NSMCE2: variants seen among roughly 807,000 people sequenced by gnomAD.
NSMCE2 encodes the protein E3 SUMO-protein ligase NSE2.
NSMCE2 carries 24 observed loss-of-function variants against 23.8 expected under a neutral mutation model. The observed-to-expected ratio is 1.01, with a 90% CI of 0.73 to 1.42. NSMCE2 has a LOEUF of 1.42. Among genes scored for constraint, NSMCE2 ranks in the 40% most tolerant of loss-of-function variants. The pLI is 0.00. For synonymous variants in NSMCE2, 92 were observed against 94.1 expected, an observed-to-expected ratio of 0.98 and a Z score of 0.13; for missense variants, 284 against 296.5, an observed-to-expected ratio of 0.96 and a Z score of 0.31.
At chr8:125,121,733 T>TG (rs1819271712) in intron 3 of NSMCE2, among the ~76,000 whole-genome samples, 3 of 152,200 alleles carry the variant, frequency 2.0e-5, no homozygotes, top group Admixed American at 2.0e-4. Flanking sequence ...ACCTGGCATG[T>TG]TATAAATGCC....
intron 5 of NSMCE2, among the ~76,000 whole-genome samples, chr8:125,339,261 A>G (rs1830159835): frequency 1.3e-5 from 2 of 151,966 alleles, no homozygotes; most frequent in Non-Finnish European, 1.5e-5. Context: ...ACTGCTTGGG[A>G]CGGTCCTTTT....
At chr8:125,302,563 G>A (rs1828607567) in intron 5 of NSMCE2, among the ~76,000 whole-genome samples, 1 of 152,192 alleles carries the variant, frequency 6.6e-6, no homozygotes, top group South Asian at 2.1e-4. Context: ...AACTACTGCT[G>A]ATTATTGAGC....
intron 4 of NSMCE2, among the ~76,000 whole-genome samples, chr8:125,160,219 C>G (rs982096460): frequency 2.6e-5 from 4 of 152,114 alleles, no homozygotes; most frequent in Non-Finnish European, 5.9e-5. Context: ...CACAGAGTTT[C>G]ATTAAGGATG....
At chr8:125,179,195 G>T (rs1307875630) in intron 4 of NSMCE2, among the ~76,000 whole-genome samples, 1 of 152,058 alleles carries the variant, frequency 6.6e-6, no homozygotes, top group South Asian at 2.1e-4. Flanking sequence ...ATTGGGAAAA[G>T]GATGGACCTA....
intron 5 of NSMCE2, among the ~76,000 whole-genome samples, chr8:125,202,077 A>G (rs1823907963): frequency 6.6e-6 from 1 of 152,254 alleles, no homozygotes. Flanking sequence ...GGAAAAGCAC[A>G]GTATTTTGGC....
intron 5 of NSMCE2, among the ~76,000 whole-genome samples, chr8:125,245,236 T>G (rs749639983): frequency 7.9e-5 from 12 of 152,116 alleles, no homozygotes; most frequent in Non-Finnish European, 1.6e-4. Context: ...TGAGCAGATA[T>G]TGCACCACTG....
At chr8:125,192,620 A>G (rs757269562) in intron 5 of NSMCE2, among the ~76,000 whole-genome samples, 7 of 152,220 alleles carry the variant, frequency 4.6e-5, no homozygotes, top group African/African-American at 9.6e-5. Flanking sequence ...CAGTCATACA[A>G]TTTTACACAT....
At chr8:125,147,596 G>A (rs930796873) in intron 3 of NSMCE2, among the ~76,000 whole-genome samples, 14 of 152,122 alleles carry the variant, frequency 9.2e-5, no homozygotes, top group Non-Finnish European at 1.9e-4. Flanking sequence ...GCCCTTGATG[G>A]ATATGTAGGA....
intron 5 of NSMCE2, among the ~76,000 whole-genome samples, chr8:125,257,019 C>T (rs539656349): frequency 1.4e-5 from 2 of 147,302 alleles, no homozygotes; most frequent in East Asian, 2.0e-4. Flanking sequence ...TAAAGGAGTC[C>T]GGGCCTGTAA....
At chr8:125,232,707 C>T (rs1481375911) in intron 5 of NSMCE2, among the ~76,000 whole-genome samples, 1 of 152,180 alleles carries the variant, frequency 6.6e-6, no homozygotes, top group African/African-American at 2.4e-5. Flanking sequence ...TTCATTTCTA[C>T]ACTCTCACCT....
intron 5 of NSMCE2, among the ~76,000 whole-genome samples, chr8:125,300,348 A>G (rs970824953): frequency 6.6e-6 from 1 of 151,676 alleles, no homozygotes; most frequent in Non-Finnish European, 1.5e-5. Context: ...GTTTTAGTAG[A>G]GACAGGGTTT....
intron 5 of NSMCE2, among the ~76,000 whole-genome samples, chr8:125,261,095 T>C (rs1487878734): frequency 5.3e-5 from 8 of 152,240 alleles, no homozygotes; most frequent in Admixed American, 2.6e-4. Context: ...AGAAAATTAC[T>C]GTTTTGCGAA....
intron 5 of NSMCE2, among the ~76,000 whole-genome samples, chr8:125,307,321 G>A (rs1828804953): frequency 6.6e-6 from 1 of 152,352 alleles, no homozygotes; most frequent in African/African-American, 2.4e-5. Flanking sequence ...GGTGTATGGC[G>A]AGATGCCTAG....
chr8:125,332,273 T>C (rs897622492), intron 5 of NSMCE2, among the ~76,000 whole-genome samples: 1 of 152,262 alleles, frequency 6.6e-6, no homozygotes, highest in Non-Finnish European at 1.5e-5. Flanking sequence ...TCATAGATTC[T>C]TAGAAAATTG....
intron 5 of NSMCE2, among the ~76,000 whole-genome samples, chr8:125,234,676 C>T (rs2130957061): frequency 6.6e-6 from 1 of 152,264 alleles, no homozygotes; most frequent in South Asian, 2.1e-4. Context: ...TTTTCTTTCC[C>T]ATCAAACCAG....
chr8:125,329,783 G>C (rs1044062138), intron 5 of NSMCE2, among the ~76,000 whole-genome samples: 1 of 152,144 alleles, frequency 6.6e-6, no homozygotes, highest in African/African-American at 2.4e-5. Context: ...GATAATATTT[G>C]CAACCTGCCT....
intron 5 of NSMCE2, among the ~76,000 whole-genome samples, chr8:125,252,299 G>A (rs895683990): frequency 6.6e-6 from 1 of 152,166 alleles, no homozygotes; most frequent in Non-Finnish European, 1.5e-5. Context: ...GAGGCCAAGG[G>A]GGGCAGATCA....
chr8:125,128,594 C>A (rs962623153), intron 3 of NSMCE2, among the ~76,000 whole-genome samples: 4 of 152,302 alleles, frequency 2.6e-5, no homozygotes, highest in African/African-American at 9.6e-5. Flanking sequence ...CAACACAAAT[C>A]TCAAGCCTGA....
chr8:125,135,940 A>C (rs1464355897), intron 3 of NSMCE2, among the ~76,000 whole-genome samples: 1 of 152,064 alleles, frequency 6.6e-6, no homozygotes, highest in Non-Finnish European at 1.5e-5. Context: ...TTCTACAGAG[A>C]AGTCGGCCAA....
Sources: allele counts gnomAD v4.1 joint callset (sites outside exome capture counted in the v4.1 genomes callset), GRCh38; gene constraint gnomAD v4.1.1; transcripts MANE v1.5; gene names NCBI Gene and HGNC (gene_info 2026-07-23, HGNC 2026-07-21).